Variants in WDFY4 observed in about 807,000 individuals in gnomAD.
WDFY4 encodes the protein WDFY family member 4, also known as WD repeat- and FYVE domain-containing protein 4.
A neutral mutation model predicts 351.9 loss-of-function variants in WDFY4; 169 were observed. That is an observed-to-expected ratio of 0.48 (90% CI 0.42 to 0.55). The LOEUF is 0.55. Among genes scored for constraint, WDFY4 ranks in the 20% least tolerant of loss-of-function variants. The probability of loss-of-function intolerance (pLI) is 0.00; values close to 1 mark genes in which losing one functional copy is unlikely to be tolerated. For synonymous variants in WDFY4, 1,622 were observed against 1,574.6 expected, an observed-to-expected ratio of 1.03 and a Z score of -0.71; for missense variants, 3,803 against 3,935.6, an observed-to-expected ratio of 0.97 and a Z score of 0.90.
Position 48,729,311 on chromosome 10 carries a change from A to T in WDFY4, c.972-121A>T. The T allele has an allele frequency of 2.8e-6, 4 of 1,413,846 alleles. No homozygotes were observed. In the South Asian group the frequency reaches 5.7e-5, roughly 20 times the overall value. The allele number at this position is 1,413,846 out of a possible 1,614,324, so 87.6% of individuals were successfully genotyped here. On this transcript the variant is annotated intron_variant, in intron 7 of 61. Transcript: ENST00000325239. Reference sequence around the variant, plus strand: ...TGCCTCTGAATTGCCTCAGGTGCAGACCTGTGGGGTCTTCCCCAGCTTGCA... The same window carrying T: ...TGCCTCTGAATTGCCTCAGGTGCAGTCCTGTGGGGTCTTCCCCAGCTTGCA...
intron 58 of WDFY4, 45 bp downstream of exon 58, chr10:48,975,086 A>G (rs746139469): frequency 2.6e-6 from 4 of 1,551,032 alleles, no homozygotes; most frequent in Non-Finnish European, 3.5e-6. Context: ...CCTTCGCAGT[A>G]GCATGGGGTA....
In WDFY4 at chr10:48,719,513, A is replaced by C. The variant is rs537865025; in HGVS notation, c.235-498A>C. On this transcript the variant is annotated intron_variant, in intron 2 of 61. Transcript: ENST00000325239. ...TATGTACTAAAGTGCTAGAAAATAA[A>C]AGCACACTCTTTCACTTGCAATCCC... Among the ~76,000 whole-genome samples the C allele has an allele frequency of 4.6e-5, 7 of 152,222 alleles. No individual in the cohort carries two copies. In the East Asian group the frequency reaches 1.3e-3, roughly 29 times the overall value.
intron 1 of WDFY4, among the ~76,000 whole-genome samples, chr10:48,692,823 A>G (rs1343855116): frequency 6.6e-6 from 1 of 152,154 alleles, no homozygotes; most frequent in African/African-American, 2.4e-5. Context: ...TTCCATTGTA[A>G]TTACTGAGAT....
intron 13 of WDFY4, among the ~76,000 whole-genome samples, chr10:48,767,082 A>G (rs921342459): frequency 1.3e-5 from 2 of 152,224 alleles, no homozygotes; most frequent in Non-Finnish European, 2.9e-5. Flanking sequence ...AGCTTTTTAT[A>G]ATCAGTGCAT....
chr10:48,898,007 C>T (rs1201061554), intron 45 of WDFY4, among the ~76,000 whole-genome samples: 1 of 152,126 alleles, frequency 6.6e-6, no homozygotes, highest in East Asian at 1.9e-4. Flanking sequence ...CCCCCTTTCT[C>T]CCCAAGGTGC....
chr10:48,815,745 T>A (rs1589676638), intron 31 of WDFY4, among the ~76,000 whole-genome samples: 1 of 151,876 alleles, frequency 6.6e-6, no homozygotes, highest in East Asian at 1.9e-4. Context: ...TTTTTTTTTT[T>A]CTTTTAGCCA....
At chr10:48,937,556 A>G (rs1479531151) in intron 47 of WDFY4, among the ~76,000 whole-genome samples, 2 of 152,150 alleles carry the variant, frequency 1.3e-5, no homozygotes, top group Admixed American at 6.5e-5. Context: ...TTCATCTGTT[A>G]ATGGAAATTA....
At chr10:48,806,895 G>T (rs923684558) in intron 27 of WDFY4, among the ~76,000 whole-genome samples, 8 of 152,204 alleles carry the variant, frequency 5.3e-5, no homozygotes, top group African/African-American at 1.4e-4. Context: ...AGCTACCTGA[G>T]GCTAGCGGCT....
Position 48,821,476 on chromosome 10 carries a change from A to G in WDFY4, c.5824+300A>G, listed in dbSNP as rs918752741. 4.6e-5 allele frequency among the ~76,000 whole-genome samples: 7 copies of G among 152,336 alleles called. No individual in the cohort carries two copies. The East Asian group carries it at 9.6e-4, about 21-fold the overall frequency. Reference sequence around the variant, plus strand: ...CTCAGTAGAAATGCAACCTCTTCCCATAAGGGAAACCAAGATACCACAATT... The same window carrying G: ...CTCAGTAGAAATGCAACCTCTTCCCGTAAGGGAAACCAAGATACCACAATT... On this transcript the variant is annotated intron_variant, in intron 34 of 61. Transcript: ENST00000325239.
intron 47 of WDFY4, among the ~76,000 whole-genome samples, chr10:48,930,442 A>C (rs564562240): frequency 6.6e-6 from 1 of 152,346 alleles, no homozygotes; most frequent in African/African-American, 2.4e-5. Flanking sequence ...GAACAAGTGC[A>C]CTATGGGGCT....
intron 47 of WDFY4, among the ~76,000 whole-genome samples, chr10:48,916,164 G>A (rs1838510390): frequency 6.6e-6 from 1 of 152,154 alleles, no homozygotes; most frequent in Non-Finnish European, 1.5e-5. Context: ...GACCAATCTG[G>A]CCACAAGTTT....
intron 1 of WDFY4, among the ~76,000 whole-genome samples, chr10:48,708,031 G>A (rs956434611): frequency 6.6e-5 from 10 of 152,014 alleles, no homozygotes; most frequent in African/African-American, 1.5e-4. Context: ...TATTATGATC[G>A]TGTTCTTACT....
intron 24 of WDFY4, among the ~76,000 whole-genome samples, chr10:48,798,025 ACAG>A (rs1218679924): frequency 6.6e-6 from 1 of 152,216 alleles, no homozygotes; most frequent in Non-Finnish European, 1.5e-5. Flanking sequence ...GATAATGAGG[ACAG>A]CAGGTGAAAA....
chr10:48,795,502 T>TATATATATATATATATAC lies in WDFY4; in HGVS notation c.4258-779_4258-778insCATATATATATATATATA, dbSNP rs1291196557. On this transcript the variant is annotated intron_variant, in intron 23 of 61. Transcript: ENST00000325239. ...ATATGTGTGTGTCTGTATATATATA[T>TATATATATATATATATAC]ATATATATATATATATATATACATA... Among the ~76,000 whole-genome samples the TATATATATATATATATAC allele has an allele frequency of 5.3e-4, 56 of 106,592 alleles. 1 individual carries two copies. The highest frequency in any genetic ancestry group is 4.8e-4 in the Non-Finnish European group (27 of 56,082). The allele number at this position is 106,592 out of a possible 152,430, so 69.9% of individuals were successfully genotyped here. A position where few individuals can be genotyped will look rare whatever the true frequency, so the allele number is the denominator to read the frequency against.
intron 23 of WDFY4, 108 bp from the exon 24 acceptor site, chr10:48,796,190 G>T (rs2066868964): frequency 1.6e-6 from 2 of 1,281,636 alleles, no homozygotes; most frequent in South Asian, 3.3e-5. Context: ...ATGAAGGATG[G>T]TAGCAGCAGA....
intron 11 of WDFY4, among the ~76,000 whole-genome samples, chr10:48,736,803 A>G (rs2064683020): frequency 6.6e-6 from 1 of 152,152 alleles, no homozygotes; most frequent in Non-Finnish European, 1.5e-5. Context: ...TACCTGGTTG[A>G]GGAAGGCCCA....
chr10:48,978,077 G>C (rs547410869), intron 59 of WDFY4, among the ~76,000 whole-genome samples: 1 of 152,308 alleles, frequency 6.6e-6, no homozygotes, highest in African/African-American at 2.4e-5. Context: ...TAGGGACATG[G>C]GTGGGGTAAA....
At chr10:48,780,141 G>T (rs977652951) in intron 19 of WDFY4, 22 bp downstream of exon 19, 2 of 1,551,112 alleles carry the variant, frequency 1.3e-6, no homozygotes, top group Non-Finnish European at 1.7e-6. Flanking sequence ...CCTCCAAGCT[G>T]CACTTGCCCC....
chr10:48,783,204 C>T (rs12780784), intron 19 of WDFY4, among the ~76,000 whole-genome samples: 4,300 of 152,224 alleles, frequency 0.028, 100 homozygotes, highest in Admixed American at 0.047. Flanking sequence ...ACTCAAGTCC[C>T]TTAAATAAAA....
Sources: gnomAD v4.1 joint callset for allele counts (sites outside exome capture counted in the v4.1 genomes callset) on GRCh38, gnomAD v4.1.1 for gene constraint, MANE v1.5 for transcripts, NCBI Gene and HGNC (gene_info 2026-07-23, HGNC 2026-07-21) for gene names.